The following MUC13 variants were observed in gnomAD, a reference collection of about 807,000 sequenced individuals.
MUC13 encodes mucin 13, cell surface associated.
In MUC13, 32 loss-of-function variants were observed where a neutral mutation model predicts 48.3. The ratio of observed to expected loss-of-function variants is 0.66; its 90% CI spans 0.50 to 0.89. The LOEUF is 0.89. MUC13 is among the 40% of genes least tolerant of loss of function. MUC13 has a pLI of 0.00. For missense variants in MUC13, 571 were observed against 622.8 expected (o/e 0.92, Z 0.88); for synonymous variants, 199 against 224.9 (o/e 0.88, Z 1.03).
chr3:124,923,149 C>T (rs9857951), intron 3 of MUC13, among the ~76,000 whole-genome samples: 144,726 of 151,124 alleles, frequency 0.96, 69,614 homozygotes, highest in Middle Eastern at 1. Flanking sequence ...CAGACCTTCA[C>T]TGCACCCTGG....
chr3:124,918,597 T>C (rs1394563195), intron 5 of MUC13, among the ~76,000 whole-genome samples: 1 of 152,172 alleles, frequency 6.6e-6, no homozygotes, highest in African/African-American at 2.4e-5. Context: ...GGGAAGTTGA[T>C]CAGATTATCC....
rs928741201 is a variant in MUC13 at position 124,930,330 on chromosome 3, T to A, written c.53-2337A>T. ...AGACACATTCCAAGCTGACAGCAAT[T>A]CATTGCTGTGAATAGCTACGATTTT... On this transcript the variant is annotated intron_variant, in intron 1 of 11. Transcript: ENST00000616727. Among the ~76,000 whole-genome samples the A allele has an allele frequency of 1.9e-4, 27 of 141,732 alleles. 1 individual carries two copies. Among genetic ancestry groups the A allele is most frequent in the Non-Finnish European group, 1.5e-5 (1 of 65,190 alleles). The allele number at this position is 141,732 out of a possible 152,430, so 93.0% of individuals were successfully genotyped here.
In MUC13 at chr3:124,920,307, T is replaced by C. The variant is rs9862266; in HGVS notation, c.745-18A>G. ...TCTTTAAACTGTGGAGGAAAACAGA[T>C]TTAATAACAAGTAAAAAAAATTTTT... is the stretch of plus-strand genomic sequence containing the variant. On this transcript the variant is annotated intron_variant, in intron 4 of 11. Transcript: ENST00000616727. The C allele has an allele frequency of 4.4e-6, 7 of 1,577,346 alleles. No individual in the cohort carries two copies. The highest frequency in any genetic ancestry group is 6.0e-6 in the Non-Finnish European group (7 of 1,163,314).
intron 6 of MUC13, among the ~76,000 whole-genome samples, chr3:124,915,892 G>A (rs1175978289): frequency 6.6e-6 from 1 of 152,086 alleles, no homozygotes; most frequent in African/African-American, 2.4e-5. Flanking sequence ...TGCCCAGGCT[G>A]GTCTCAAACT....
In MUC13 at chr3:124,916,408, C is replaced by T. The variant is rs1449946051; in HGVS notation, c.873G>A (p.Leu291=). ...TCTCATTGTCACTTGTGGTTTCTGC[C>T]AAAATTGTTACTATTGTTACATTAA... ...KFVNVTIVTI[L]AETTSDNEKT... is the part of the protein sequence containing the mutation. The change falls in exon 6 of 12, where the codon TTG becomes TTA. Residue 291 remains leucine (L), a synonymous_variant. Transcript: ENST00000616727. The T allele has an allele frequency of 1.9e-6, 3 of 1,613,582 alleles. No individual in the cohort carries two copies. Among genetic ancestry groups the T allele is most frequent in the Non-Finnish European group, 2.5e-6 (3 of 1,179,916 alleles).
chr3:124,913,537 A>G lies in MUC13; in HGVS notation c.1084+25T>C, dbSNP rs763225419. The G allele has an allele frequency of 2.5e-6, 4 of 1,613,958 alleles. No homozygotes were observed. In the African/African-American group the frequency reaches 4.0e-5, roughly 16 times the overall value. ...AAGAGAAAGTGATGTTATGAAGAACATTTAGAAGCAGGTGAAACACTTACC... is the reference window on the plus strand; with the variant it reads ...AAGAGAAAGTGATGTTATGAAGAACGTTTAGAAGCAGGTGAAACACTTACC... On this transcript the variant is annotated intron_variant, in intron 7 of 11. Coordinates refer to ENST00000616727, the MANE Select transcript of MUC13 (RefSeq NM_033049.4).
intron 6 of MUC13, 45 bp from the exon 7 acceptor site, chr3:124,913,726 T>C (rs1935464560): frequency 1.2e-6 from 2 of 1,610,610 alleles, no homozygotes; most frequent in Non-Finnish European, 1.7e-6. Flanking sequence ...CATGACAATA[T>C]GGATAAGGTA....
chr3:124,931,519 G>A (rs899180113), intron 1 of MUC13, among the ~76,000 whole-genome samples: 7 of 151,530 alleles, frequency 4.6e-5, no homozygotes, highest in African/African-American at 4.9e-5. Context: ...AGGCCGAGGC[G>A]GGCAGATCAC....
chr3:124,932,137 G>A (rs1487723084), intron 1 of MUC13, among the ~76,000 whole-genome samples: 1 of 152,234 alleles, frequency 6.6e-6, no homozygotes, highest in African/African-American at 2.4e-5. Flanking sequence ...TCTGGAGGTA[G>A]ATGGGTGGGA....
chr3:124,907,454 C>CA (rs1935336545), intron 11 of MUC13, among the ~76,000 whole-genome samples: 2 of 152,038 alleles, frequency 1.3e-5, no homozygotes, highest in Admixed American at 6.6e-5. Context: ...CCTGTCTCTA[C>CA]AAAAAATACC....
intron 2 of MUC13, among the ~76,000 whole-genome samples, 155 bp downstream of exon 2, chr3:124,927,377 A>G (rs1935705768): frequency 6.6e-6 from 1 of 152,190 alleles, no homozygotes; most frequent in African/African-American, 2.4e-5. Context: ...TGCTGTCACT[A>G]CATTGTGACA....
intron 5 of MUC13, among the ~76,000 whole-genome samples, chr3:124,919,337 C>CAAA (rs566468497): frequency 2.2e-5 from 2 of 91,468 alleles, no homozygotes; most frequent in East Asian, 3.7e-4. Context: ...GATTCCATCT[C>CAAA]AAAAAAAAAA....
chr3:124,912,479 G>A lies in MUC13; in HGVS notation c.1215-338C>T, dbSNP rs149240250. On this transcript the variant is annotated intron_variant, in intron 8 of 11. Coordinates refer to ENST00000616727, the MANE Select transcript of MUC13 (RefSeq NM_033049.4). ...TAGTGGGACCATCTCAGGCTGTGAC[G>A]CCACATGGCTCTGCCACTTATTTGT... is the stretch of plus-strand genomic sequence containing the variant. 1.3e-4 allele frequency among the ~76,000 whole-genome samples: 20 copies of A among 152,320 alleles called. No individual in the cohort carries two copies. The Middle Eastern group carries it at 0.01, about 78-fold the overall frequency.
chr3:124,927,765 C>A lies in MUC13; in HGVS notation c.281G>T (p.Ser94Ile), dbSNP rs1240626802. ...AGTAGGTATAGGAATTGTGGAGGAACTATGTGTACTAATTATGGGGGGAGC... is the reference window on the plus strand; with the variant it reads ...AGTAGGTATAGGAATTGTGGAGGAAATATGTGTACTAATTATGGGGGGAGC... ...TPAPPIISTHSSSTIPIPTAA... is the reference protein window; with the variant it reads ...TPAPPIISTHISSTIPIPTAA... Residue 94 changes from serine (S) to isoleucine (I), a missense_variant, in exon 2 of 12, where the codon AGT becomes ATT. Physicochemically the swap from Ser to Ile is moderately radical, Grantham distance 142. Coordinates refer to ENST00000616727, the MANE Select transcript of MUC13 (RefSeq NM_033049.4). The A allele has an allele frequency of 5.0e-6, 8 of 1,606,432 alleles. No individual in the cohort carries two copies. Among genetic ancestry groups the A allele is most frequent in the Non-Finnish European group, 6.8e-6 (8 of 1,175,746 alleles).
chr3:124,918,272 C>G (rs1935539368), intron 5 of MUC13, among the ~76,000 whole-genome samples: 1 of 152,148 alleles, frequency 6.6e-6, no homozygotes. Context: ...AAATGCCTTT[C>G]TAGGTGAGCC....
At chr3:124,931,417 C>T (rs552129469) in intron 1 of MUC13, among the ~76,000 whole-genome samples, 142 of 131,112 alleles carry the variant, frequency 1.1e-3, no homozygotes, top group African/African-American at 3.8e-3. Context: ...GGCAACAGAG[C>T]GAGACTCTGT....
At chr3:124,911,366 G>A (rs1457223865) in intron 9 of MUC13, among the ~76,000 whole-genome samples, 1 of 152,188 alleles carries the variant, frequency 6.6e-6, no homozygotes, top group Non-Finnish European at 1.5e-5. Flanking sequence ...AGACCTCAAA[G>A]TTTGTCTGGT....
chr3:124,931,318 CTACTTGGG>C (rs1465579717), intron 1 of MUC13, among the ~76,000 whole-genome samples: 1 of 151,606 alleles, frequency 6.6e-6, no homozygotes, highest in Non-Finnish European at 1.5e-5. Flanking sequence ...GTAGTCCCAA[CTACTTGGG>C]AGGCTGAGAC....
At chr3:124,920,315 C>A in intron 4 of MUC13, 26 bp from the exon 5 acceptor site, 3 of 1,561,862 alleles carry the variant, frequency 1.9e-6, no homozygotes, top group East Asian at 2.3e-5. Flanking sequence ...GATTTAATAA[C>A]AAGTAAAAAA....
Sources: gnomAD v4.1 joint callset for allele counts (sites outside exome capture counted in the v4.1 genomes callset) on GRCh38, gnomAD v4.1.1 for gene constraint, MANE v1.5 for transcripts, NCBI Gene and HGNC (gene_info 2026-07-23, HGNC 2026-07-21) for gene names.